Variants in RANBP17 observed in about 807,000 individuals in gnomAD.
RANBP17 encodes RAN binding protein 17.
RANBP17 carries 158 observed loss-of-function variants against 141.2 expected under a neutral mutation model. The observed-to-expected ratio is 1.12, with a 90% CI of 0.98 to 1.28. The LOEUF (loss-of-function observed/expected upper bound fraction) is 1.28. RANBP17 is among the 50% of genes most tolerant of loss of function. The pLI, the probability that RANBP17 is intolerant of heterozygous loss-of-function variation, is 0.00. For missense variants in RANBP17, 1,438 were observed against 1,290.7 expected (o/e 1.11, Z -1.75); for synonymous variants, 430 against 450.0 (o/e 0.96, Z 0.56).
chr5:170,916,545 TTTAA>T lies in RANBP17; in HGVS notation c.920_923del (p.Ile307ArgfsTer3), dbSNP rs775609415. On this transcript the variant is annotated frameshift_variant, in exon 9 of 28. Coordinates refer to ENST00000523189, the MANE Select transcript of RANBP17 (RefSeq NM_022897.5). LOFTEE classifies it high-confidence loss of function. ...CTGAACGTGCCAAGTACCTTGGTAA[TTTAA>T]TTAAGGGAGTAAAAAGGATACTTGA... 1.3e-4 allele frequency: 201 copies of T among 1,579,008 alleles called. No individual in the cohort carries two copies. The highest frequency in any genetic ancestry group is 1.7e-4 in the Non-Finnish European group (197 of 1,157,828).
At chr5:171,094,320 C>T (rs1050927010) in intron 14 of RANBP17, among the ~76,000 whole-genome samples, 1 of 151,972 alleles carries the variant, frequency 6.6e-6, no homozygotes, top group African/African-American at 2.4e-5. Flanking sequence ...GAGCTCAACT[C>T]TAAGAGTACA....
At chr5:171,295,653 C>G (rs908909430) in intron 26 of RANBP17, among the ~76,000 whole-genome samples, 2 of 152,136 alleles carry the variant, frequency 1.3e-5, no homozygotes, top group Non-Finnish European at 2.9e-5. Context: ...AGCAGTGACA[C>G]TAGAACAATT....
intron 24 of RANBP17, among the ~76,000 whole-genome samples, chr5:171,246,101 A>G (rs1161179764): frequency 6.6e-6 from 1 of 151,902 alleles, no homozygotes; most frequent in African/African-American, 2.4e-5. Context: ...GGCTGGTCTC[A>G]AACTCCTGAC....
chr5:170,911,531 GA>G, intron 7 of RANBP17: 1 of 726,076 alleles, frequency 1.4e-6, no homozygotes, highest in Non-Finnish European at 2.6e-6. Context: ...ATCTGGTAAT[GA>G]AGGTCTTGAA....
At chr5:171,073,945 G>GAATTCTTC (rs1392144601) in intron 14 of RANBP17, among the ~76,000 whole-genome samples, 40 of 151,726 alleles carry the variant, frequency 2.6e-4, no homozygotes, top group African/African-American at 9.4e-4. Flanking sequence ...ATGAATTGAT[G>GAATTCTTC]AATTCTTCGG....
At chr5:171,068,961 C>T (rs1784475627) in intron 14 of RANBP17, among the ~76,000 whole-genome samples, 1 of 152,140 alleles carries the variant, frequency 6.6e-6, no homozygotes, top group South Asian at 2.1e-4. Context: ...CGAAAACTAT[C>T]CTTGTCATGT....
At chr5:171,251,938 A>G in intron 24 of RANBP17, 2 of 1,607,728 alleles carry the variant, frequency 1.2e-6, no homozygotes, top group Non-Finnish European at 1.7e-6. Context: ...TGGATTAGTC[A>G]GTTTTGGGAA....
intron 25 of RANBP17, among the ~76,000 whole-genome samples, chr5:171,289,888 G>T (rs1768381462): frequency 6.6e-6 from 1 of 151,748 alleles, no homozygotes; most frequent in South Asian, 2.1e-4. Flanking sequence ...AAATTAGCCA[G>T]GTGTGGTGGC....
At chr5:170,888,185 G>C (rs975117533) in intron 3 of RANBP17, among the ~76,000 whole-genome samples, 1 of 152,046 alleles carries the variant, frequency 6.6e-6, no homozygotes, top group Non-Finnish European at 1.5e-5. Context: ...TATGGTGTTC[G>C]GTATTGTGTT....
chr5:171,039,155 T>G (rs1468805073), intron 14 of RANBP17, among the ~76,000 whole-genome samples: 1 of 152,124 alleles, frequency 6.6e-6, no homozygotes, highest in African/African-American at 2.4e-5. Context: ...ATCTCCAGAC[T>G]GTGGAGACAG....
At chr5:171,155,319 G>C (rs895286048) in intron 14 of RANBP17, among the ~76,000 whole-genome samples, 5 of 151,738 alleles carry the variant, frequency 3.3e-5, no homozygotes, top group African/African-American at 1.2e-4. Flanking sequence ...AGGAGGTAGA[G>C]AAAGTAGCCA....
At chr5:171,096,844 A>C (rs531954109) in intron 14 of RANBP17, among the ~76,000 whole-genome samples, 3 of 152,236 alleles carry the variant, frequency 2.0e-5, no homozygotes, top group African/African-American at 7.2e-5. Context: ...CAACAACAAA[A>C]CTCTGTGAAG....
intron 14 of RANBP17, among the ~76,000 whole-genome samples, chr5:171,011,275 G>A (rs1780014642): frequency 6.6e-6 from 1 of 152,022 alleles, no homozygotes; most frequent in South Asian, 2.1e-4. Context: ...ACATAAGAAT[G>A]TGAATAAATA....
intron 25 of RANBP17, among the ~76,000 whole-genome samples, chr5:171,283,186 T>C (rs545720549): frequency 6.6e-6 from 1 of 152,198 alleles, no homozygotes; most frequent in Admixed American, 6.5e-5. Flanking sequence ...AAAAGCCCCT[T>C]GTGTAAGCTT....
At chr5:171,293,622 C>G (rs1051976363) in intron 25 of RANBP17, among the ~76,000 whole-genome samples, 2 of 152,192 alleles carry the variant, frequency 1.3e-5, no homozygotes, top group African/African-American at 4.8e-5. Context: ...GCCCAGTGAC[C>G]TCTTGACTTA....
chr5:171,002,994 G>A (rs756828503), intron 14 of RANBP17, among the ~76,000 whole-genome samples: 1 of 152,190 alleles, frequency 6.6e-6, no homozygotes, highest in Non-Finnish European at 1.5e-5. Flanking sequence ...TGTGTCATGT[G>A]TGAGGCAGAA....
intron 14 of RANBP17, among the ~76,000 whole-genome samples, chr5:171,075,138 TTAA>T (rs1784838794): frequency 6.6e-6 from 1 of 152,218 alleles, no homozygotes; most frequent in Admixed American, 6.5e-5. Flanking sequence ...GGCATAAATG[TTAA>T]TAACTTGCCA....
intron 20 of RANBP17, chr5:171,205,814 CTT>C (rs1561762869): frequency 1.5e-6 from 1 of 675,276 alleles, no homozygotes; most frequent in Admixed American, 2.1e-5. Flanking sequence ...AGAGAAGTCA[CTT>C]TTTTGGTGCC....
At chr5:171,044,528 CA>C (rs1469067902) in intron 14 of RANBP17, among the ~76,000 whole-genome samples, 1 of 151,772 alleles carries the variant, frequency 6.6e-6, no homozygotes. Flanking sequence ...CTATAATATT[CA>C]AATTGGTTTT....
Sources: allele counts gnomAD v4.1 joint callset (sites outside exome capture counted in the v4.1 genomes callset), GRCh38; gene constraint gnomAD v4.1.1; transcripts MANE v1.5; gene names NCBI Gene and HGNC (gene_info 2026-07-23, HGNC 2026-07-21).